The following IGF2BP2 variants were observed in gnomAD, a reference collection of about 807,000 sequenced individuals.
IGF2BP2 encodes the protein insulin like growth factor 2 mRNA binding protein 2.
A neutral mutation model predicts 75.8 loss-of-function variants in IGF2BP2; 17 were observed. The ratio of observed to expected loss-of-function variants is 0.22; its 90% CI spans 0.15 to 0.34. IGF2BP2 has a LOEUF of 0.34. IGF2BP2 is among the 10% of genes least tolerant of loss of function. The probability of loss-of-function intolerance (pLI) is 1.00; values close to 1 mark genes in which losing one functional copy is unlikely to be tolerated. For synonymous variants in IGF2BP2, 288 were observed against 295.6 expected (o/e 0.97, Z 0.26); for missense variants, 516 against 772.4 (o/e 0.67, Z 3.93).
chr3:185,817,071 T>A (rs1740711378), intron 2 of IGF2BP2, among the ~76,000 whole-genome samples: 1 of 152,212 alleles, frequency 6.6e-6, no homozygotes, highest in Non-Finnish European at 1.5e-5. Context: ...AAAACATACA[T>A]CAGAACTCTT....
chr3:185,755,777 T>A (rs544922500), intron 2 of IGF2BP2, among the ~76,000 whole-genome samples: 9 of 152,366 alleles, frequency 5.9e-5, no homozygotes, highest in African/African-American at 2.2e-4. Context: ...GGAATGGGAA[T>A]GTTTACCCAA....
intron 2 of IGF2BP2, among the ~76,000 whole-genome samples, chr3:185,771,298 AGGTGTGGTGGTGC>A (rs1244729576): frequency 2.6e-5 from 4 of 152,014 alleles, no homozygotes; most frequent in Non-Finnish European, 1.5e-5. Context: ...AAAAATAGCC[AGGTGTGGTGGTGC>A]ACGCCTATAA....
intron 2 of IGF2BP2, among the ~76,000 whole-genome samples, chr3:185,748,038 G>A (rs917557282): frequency 2.6e-5 from 4 of 152,000 alleles, no homozygotes; most frequent in Admixed American, 6.6e-5. Flanking sequence ...TGTATTTTTA[G>A]TAGAGACAGG....
intron 2 of IGF2BP2, among the ~76,000 whole-genome samples, chr3:185,781,716 C>T (rs186513353): frequency 6.6e-6 from 1 of 152,218 alleles, no homozygotes; most frequent in East Asian, 1.9e-4. Flanking sequence ...CACCTCACAA[C>T]TTTCTAAGAA....
intron 9 of IGF2BP2, among the ~76,000 whole-genome samples, chr3:185,673,231 C>T (rs1718799759): frequency 6.6e-6 from 1 of 152,218 alleles, no homozygotes; most frequent in Non-Finnish European, 1.5e-5. Flanking sequence ...TACCTCTTCC[C>T]CTTTCAGACT....
intron 2 of IGF2BP2, among the ~76,000 whole-genome samples, chr3:185,711,147 C>T (rs1724738151): frequency 6.6e-6 from 1 of 152,166 alleles, no homozygotes; most frequent in Non-Finnish European, 1.5e-5. Flanking sequence ...TGAATCAGTT[C>T]TGTAAAGGGG....
At chr3:185,679,889 A>T (rs1200700673) in intron 7 of IGF2BP2, among the ~76,000 whole-genome samples, 2 of 152,176 alleles carry the variant, frequency 1.3e-5, no homozygotes, top group East Asian at 3.8e-4. Flanking sequence ...GTTGGGATTT[A>T]TAGGCATGAG....
intron 2 of IGF2BP2, among the ~76,000 whole-genome samples, chr3:185,816,057 C>T (rs555580472): frequency 5.3e-5 from 8 of 152,262 alleles, no homozygotes; most frequent in East Asian, 3.9e-4. Flanking sequence ...CAGGGAAACA[C>T]GTAAACCACA....
At chr3:185,674,082 G>A (rs560293693) in intron 9 of IGF2BP2, among the ~76,000 whole-genome samples, 36 of 152,332 alleles carry the variant, frequency 2.4e-4, no homozygotes, top group African/African-American at 8.7e-4. Flanking sequence ...TGGGGGTCGG[G>A]GTGAGATGGG....
At chr3:185,683,393 A>G (rs1720666762) in intron 7 of IGF2BP2, among the ~76,000 whole-genome samples, 1 of 152,092 alleles carries the variant, frequency 6.6e-6, no homozygotes, top group East Asian at 1.9e-4. Context: ...TGAAAAGTAC[A>G]CTTAAAAATG....
chr3:185,658,649 AT>A (rs773461388), intron 10 of IGF2BP2, among the ~76,000 whole-genome samples: 10 of 152,142 alleles, frequency 6.6e-5, no homozygotes, highest in Non-Finnish European at 1.3e-4. Flanking sequence ...AATGTTCATC[AT>A]TTCTAAGCTG....
intron 2 of IGF2BP2, among the ~76,000 whole-genome samples, chr3:185,735,470 A>C (rs1365293471): frequency 6.6e-6 from 1 of 152,258 alleles, no homozygotes; most frequent in Non-Finnish European, 1.5e-5. Context: ...CTATGTGCAC[A>C]GCAATTATGT....
intron 2 of IGF2BP2, among the ~76,000 whole-genome samples, chr3:185,796,858 AAT>A (rs1296288202): frequency 6.6e-6 from 1 of 152,168 alleles, no homozygotes; most frequent in Non-Finnish European, 1.5e-5. Flanking sequence ...ATTTTGCTAC[AAT>A]AGTTTGGTTC....
At chr3:185,654,446 C>T (rs1289358677) in intron 12 of IGF2BP2, among the ~76,000 whole-genome samples, 1 of 152,216 alleles carries the variant, frequency 6.6e-6, no homozygotes. Context: ...GCTCCTACCA[C>T]CACCCAAACC....
intron 1 of IGF2BP2, 156 bp from the exon 2 acceptor site, chr3:185,823,369 T>G: frequency 4.0e-6 from 2 of 501,244 alleles, no homozygotes. Context: ...TGGTTCCCAG[T>G]AGAAAGAAAG....
chr3:185,672,626 C>A lies in IGF2BP2; in HGVS notation c.1115G>T (p.Gly372Val), dbSNP rs1218809034. 5.6e-6 allele frequency: 9 copies of A among 1,613,924 alleles called. No homozygotes were observed. Among genetic ancestry groups the A allele is most frequent in the Admixed American group, 1.7e-5 (1 of 59,992 alleles). ...LIPGLNLSAL[G>V]IFSTGLSVLS... The stretch of plus-strand genomic sequence containing the variant: ...CACGGACAGTCCTGTTGAAAAGATG[C>A]CAAGTGCGCTGAGGTTCAACCCTGG... Residue 372 changes from glycine to valine, a missense_variant, in exon 10 of 16, where the codon GGC becomes GTC. By Grantham distance (109) the Gly-to-Val change is moderately radical (BLOSUM62 -3). Around this residue, in one of 3 missense-constraint regions of IGF2BP2, gnomAD observed 312 missense variants for 474.5 expected, o/e 0.66. Transcript: ENST00000382199.
chr3:185,698,398 C>T (rs1361028950), intron 2 of IGF2BP2, 51 bp from the exon 3 acceptor site: 1 of 1,534,004 alleles, frequency 6.5e-7, no homozygotes, highest in African/African-American at 1.4e-5. Flanking sequence ...ACACAAACTA[C>T]AGCAAATAAT....
At chr3:185,780,345 C>T (rs1347826503) in intron 2 of IGF2BP2, among the ~76,000 whole-genome samples, 1 of 152,150 alleles carries the variant, frequency 6.6e-6, no homozygotes, top group Non-Finnish European at 1.5e-5. Context: ...GAGAATACAT[C>T]ACTTATCACC....
chr3:185,706,588 AC>A (rs1430209311), intron 2 of IGF2BP2, among the ~76,000 whole-genome samples: 1 of 152,174 alleles, frequency 6.6e-6, no homozygotes, highest in Non-Finnish European at 1.5e-5. Flanking sequence ...GTTTCATTCC[AC>A]CTTCAGGATT....
Sources: allele counts gnomAD v4.1 joint callset (sites outside exome capture counted in the v4.1 genomes callset), GRCh38; gene constraint gnomAD v4.1.1; regional missense constraint gnomAD v4.1.1; transcripts MANE v1.5; gene names NCBI Gene and HGNC (gene_info 2026-07-23, HGNC 2026-07-21).